Variants in MIDN observed in about 807,000 individuals in gnomAD.
MIDN encodes midnolin, also known as midbrain nucleolar protein.
Under a neutral mutation model 46.1 loss-of-function variants are expected in MIDN, and 26 were observed. The observed-to-expected ratio is 0.56, with a 90% CI of 0.41 to 0.78. The LOEUF (loss-of-function observed/expected upper bound fraction) is 0.78, where lower values mean the gene tolerates loss of function less well. Ranked by LOEUF, MIDN falls within the 30% of genes least tolerant of loss-of-function variation. The probability of loss-of-function intolerance (pLI) is 0.00; values close to 1 mark genes in which losing one functional copy is unlikely to be tolerated. For missense variants in MIDN, 850 were observed against 771.8 expected (o/e 1.10, Z -1.20); for synonymous variants, 432 against 343.3 (o/e 1.26, Z -2.86).
chr19:1,254,296 G>C lies in MIDN; in HGVS notation c.643G>C (p.Ala215Pro), dbSNP rs765860661. The change falls in exon 6 of 9, where the codon GCG (alanine) becomes CCG (proline). Residue 215 changes from alanine to proline, a missense_variant. Transcript: ENST00000682408. ...GCAACACCGCCATGTGCTGGCCGCT[G>C]CGGCCGCCGCCGCTGCTGCGCGGGG... ...PLQHRHVLAA[A>P]AAAAAARGDP... 1.3e-6 allele frequency: 2 copies of C among 1,569,352 alleles called. No homozygotes were observed. The highest frequency in any genetic ancestry group is 2.3e-5 in the South Asian group (2 of 87,948).
At chr19:1,254,646 G>C (rs578195211) in intron 6 of MIDN, among the ~76,000 whole-genome samples, 168 bp downstream of exon 6, 1 of 152,112 alleles carries the variant, frequency 6.6e-6, no homozygotes, top group African/African-American at 2.4e-5. Flanking sequence ...AGATTGGTGG[G>C]GTATTTCTAG....
Position 1,254,965 on chromosome 19 carries a change from C to T in MIDN, c.889C>T (p.Pro297Ser). The T allele has an allele frequency of 6.2e-7, 1 of 1,612,924 alleles. No individual in the cohort carries two copies. ...ASPGASTTST[P>S]GASPAPRSRK... ...TCCTGGTGCCAGCACCACGTCTACC[C>T]CAGGGGCCAGCCCTGCCCCCCGCTC... The change falls in exon 7 of 9, where the codon CCA becomes TCA. Residue 297 changes from proline to serine, a missense_variant. Pro to Ser is a moderately conservative substitution (Grantham distance 74). Transcript: ENST00000682408.
rs1004824693 is a variant in MIDN, at chr19:1,257,663, C to T, written c.*391C>T. The T allele has an allele frequency of 3.9e-5, 8 of 205,604 alleles. No homozygotes were observed. The highest frequency in any genetic ancestry group is 9.4e-5 in the South Asian group (1 of 10,668). The allele number at this position is 205,604 out of a possible 1,614,324, so 12.7% of individuals were successfully genotyped here. A position where few individuals can be genotyped will look rare whatever the true frequency, so the allele number is the denominator to read the frequency against. On this transcript the variant is annotated 3_prime_UTR_variant, in exon 9 of 9. Coordinates refer to ENST00000682408, the MANE Select transcript of MIDN (RefSeq NM_001388306.1). ...ACGGAGAAACGCGCCCCATCCCTTC[C>T]GCCGCCTCCTTTCCCCCCCGACCCT...
At chr19:1,252,449 C>T (rs1230160209) in intron 4 of MIDN, among the ~76,000 whole-genome samples, 4 of 152,064 alleles carry the variant, frequency 2.6e-5, no homozygotes, top group Admixed American at 1.3e-4. Context: ...GCCCTGGGGC[C>T]AGTGAGGCCT....
intron 4 of MIDN, 122 bp from the exon 5 acceptor site, chr19:1,253,829 GGTT>G: frequency 1.4e-6 from 1 of 715,062 alleles, no homozygotes; most frequent in Non-Finnish European, 2.0e-6. Context: ...GCAAAGTGAA[GGTT>G]GTTTGAGGTC....
intron 8 of MIDN, among the ~76,000 whole-genome samples, chr19:1,256,097 G>A (rs887649977): frequency 1.4e-4 from 22 of 152,334 alleles, no homozygotes; most frequent in African/African-American, 1.9e-4. Flanking sequence ...CCCAAACGGC[G>A]GGTTACTCCC....
rs1421520388 is a variant in MIDN, at chr19:1,251,751, C to G, written c.322-88C>G. The G allele has an allele frequency of 4.2e-5, 64 of 1,532,952 alleles. 2 individuals are homozygous for G. The South Asian group carries it at 7.0e-4, about 17-fold the overall frequency. 95.0% of individuals were successfully genotyped at this position (1,532,952 alleles called of 1,614,324 possible). A position where few individuals can be genotyped will look rare whatever the true frequency, so the allele number is the denominator to read the frequency against. ...ACACACACTACCTGGGGCCCCCACC[C>G]CGCCAGCCAGCAGGGCCCTCTCCAC... On this transcript the variant is annotated intron_variant, in intron 3 of 8. Transcript: ENST00000682408.
chr19:1,252,460 A>G (rs1304014508), intron 4 of MIDN, among the ~76,000 whole-genome samples: 1 of 151,568 alleles, frequency 6.6e-6, no homozygotes, highest in Non-Finnish European at 1.5e-5. Flanking sequence ...AGTGAGGCCT[A>G]GACAGGATGT....
Position 1,249,922 on chromosome 19 carries a change from G to C in MIDN, c.-375G>C, listed in dbSNP as rs1316824415. 6.6e-6 allele frequency: 1 copy of C among 151,936 alleles called. No individual in the cohort carries two copies. The highest frequency in any genetic ancestry group is 1.5e-5 in the Non-Finnish European group (1 of 67,960). 9.4% of individuals were successfully genotyped at this position (151,936 alleles called of 1,614,324 possible). A position where few individuals can be genotyped will look rare whatever the true frequency, so the allele number is the denominator to read the frequency against. ...GAGCGGCGGCGACGGCTGTTGCTAA[G>C]GGAGGGGACGCGCGAGGAAGCGCGA... On this transcript the variant is annotated 5_prime_UTR_variant, in exon 2 of 9. Transcript: ENST00000682408.
rs2081231242 is a variant in MIDN at position 1,258,673 on chromosome 19, A to G, written c.*1401A>G. 8.5e-6 allele frequency: 1 copy of G among 117,496 alleles called. No individual in the cohort carries two copies. Among genetic ancestry groups the G allele is most frequent in the Non-Finnish European group, 1.6e-5 (1 of 61,206 alleles). 7.3% of individuals were successfully genotyped at this position (117,496 alleles called of 1,614,324 possible). ...ATGTGTTGAAAGTTAATGGTTTCAG[A>G]TGTGAACATCACGTGTTATAACTGT... is the stretch of plus-strand genomic sequence containing the variant. On this transcript the variant is annotated 3_prime_UTR_variant, in exon 9 of 9. Coordinates refer to ENST00000682408, the MANE Select transcript of MIDN (RefSeq NM_001388306.1).
chr19:1,254,179 C>T lies in MIDN; in HGVS notation c.526C>T (p.Leu176=), dbSNP rs781181977. ...GGERPQVSDF[L]SGRSPLTLAL... ...GCTCTCCTTGCAGGTCAGTGACTTC[C>T]TGTCGGGCCGTTCGCCACTGACACT... is the stretch of plus-strand genomic sequence containing the variant. Residue 176 remains leucine (L), a synonymous_variant, in exon 6 of 9, where the codon CTG becomes TTG. Transcript: ENST00000682408. The T allele has an allele frequency of 4.4e-6, 7 of 1,596,678 alleles. No homozygotes were observed. The highest frequency in any genetic ancestry group is 1.3e-5 in the African/African-American group (1 of 74,626).
Position 1,255,064 on chromosome 19 carries a change from A to G in MIDN, c.985+3A>G, listed in dbSNP as rs780039848. The G allele has an allele frequency of 6.2e-7, 1 of 1,611,130 alleles. No homozygotes were observed. On this transcript the variant is annotated splice_donor_region_variant and intron_variant, in intron 7 of 8. Coordinates refer to ENST00000682408, the MANE Select transcript of MIDN (RefSeq NM_001388306.1). ...GGTCTTCTCAGGGACCTTCTCTGGTAGGTGTCACAGCACATGTGTGAGCTC... is the reference window on the plus strand; with the variant it reads ...GGTCTTCTCAGGGACCTTCTCTGGTGGGTGTCACAGCACATGTGTGAGCTC...
At chr19:1,251,522 C>T (rs777263075) in intron 2 of MIDN, 40 bp from the exon 3 acceptor site, 3 of 1,588,958 alleles carry the variant, frequency 1.9e-6, no homozygotes, top group Middle Eastern at 1.7e-4. Flanking sequence ...GTCCCTGTGT[C>T]GTCTCCGCGG....
At chr19:1,253,788 G>A (rs1044279639) in intron 4 of MIDN, 166 bp from the exon 5 acceptor site, 2 of 392,906 alleles carry the variant, frequency 5.1e-6, no homozygotes, top group South Asian at 3.1e-5. Context: ...CAGGCAGAGA[G>A]GATCTAGGGG....
rs2081214401 is a variant in MIDN at position 1,257,480 on chromosome 19, C to T, written c.*208C>T. ...TTTCCTGGACTCTTCATGGGCTTTGCTTCCTACCTCCTTCACCCTTCACTC... is the reference window on the plus strand; with the variant it reads ...TTTCCTGGACTCTTCATGGGCTTTGTTTCCTACCTCCTTCACCCTTCACTC... On this transcript the variant is annotated 3_prime_UTR_variant, in exon 9 of 9. Coordinates refer to ENST00000682408, the MANE Select transcript of MIDN (RefSeq NM_001388306.1). The T allele has an allele frequency of 1.9e-6, 1 of 531,856 alleles. No individual in the cohort carries two copies. Among genetic ancestry groups the T allele is most frequent in the Non-Finnish European group, 3.3e-6 (1 of 303,112 alleles). 32.9% of individuals were successfully genotyped at this position (531,856 alleles called of 1,614,324 possible).
rs915970680 is a variant in MIDN at position 1,258,963 on chromosome 19, G to A, written c.*1691G>A. The A allele has an allele frequency of 4.6e-5, 7 of 152,036 alleles. No homozygotes were observed. The highest frequency in any genetic ancestry group is 3.9e-4 in the East Asian group (2 of 5,182). 9.4% of individuals were successfully genotyped at this position (152,036 alleles called of 1,614,324 possible). On this transcript the variant is annotated 3_prime_UTR_variant, in exon 9 of 9. Transcript: ENST00000682408. ...AGGGTGGAACCTCCAGGCAGGAACCGGCTCGCCACCCTCTGCCCGGTAAGG... is the reference window on the plus strand; with the variant it reads ...AGGGTGGAACCTCCAGGCAGGAACCAGCTCGCCACCCTCTGCCCGGTAAGG...
chr19:1,255,275 TCCC>T, intron 7 of MIDN, 144 bp from the exon 8 acceptor site: 1 of 1,199,598 alleles, frequency 8.3e-7, no homozygotes, highest in South Asian at 1.5e-5. Context: ...TGGGGACGTG[TCCC>T]GCTCCCGCCC....
chr19:1,251,724 G>T, intron 3 of MIDN, 75 bp downstream of exon 3: 1 of 1,516,338 alleles, frequency 6.6e-7, no homozygotes, highest in Non-Finnish European at 9.0e-7. Flanking sequence ...GTACCTGTCC[G>T]CACACACACT....
Position 1,251,912 on chromosome 19 carries a change from G to T in MIDN, c.384+11G>T. 1 of 1,611,698 alleles carries T rather than the reference G, an allele frequency of 6.2e-7. No homozygotes were observed. The highest frequency in any genetic ancestry group is 8.5e-7 in the Non-Finnish European group (1 of 1,178,794). On this transcript the variant is annotated intron_variant, in intron 4 of 8. Coordinates refer to ENST00000682408, the MANE Select transcript of MIDN (RefSeq NM_001388306.1). The stretch of plus-strand genomic sequence containing the variant: ...CTCACGGAGACGCAGGTAAGACCTC[G>T]CCAGCCCCTTCCTAACAGGGCAGCC...
Sources: allele counts gnomAD v4.1 joint callset (sites outside exome capture counted in the v4.1 genomes callset), GRCh38; gene constraint gnomAD v4.1.1; transcripts MANE v1.5; gene names NCBI Gene and HGNC (gene_info 2026-07-23, HGNC 2026-07-21).